DGKG: variants seen among roughly 807,000 people sequenced by gnomAD.
The protein encoded by DGKG is DAG kinase gamma.
In DGKG, 78 loss-of-function variants were observed where a neutral mutation model predicts 105.3. The observed-to-expected ratio is 0.74, with a 90% CI of 0.62 to 0.89. The LOEUF (loss-of-function observed/expected upper bound fraction) is 0.89, where lower values mean the gene tolerates loss of function less well. Among genes scored for constraint, DGKG ranks in the 40% least tolerant of loss-of-function variants. The pLI is 0.00. For synonymous variants in DGKG, 346 were observed against 367.1 expected, an observed-to-expected ratio of 0.94 and a Z score of 0.66; for missense variants, 958 against 1,020.1, an observed-to-expected ratio of 0.94 and a Z score of 0.83.
chr3:186,347,448 C>CAAAAAAAAA, intron 1 of DGKG, among the ~76,000 whole-genome samples: 1 of 51,550 alleles, frequency 1.9e-5, no homozygotes, highest in East Asian at 6.3e-4. Context: ...GACTCAGTCT[C>CAAAAAAAAA]AAAAAAAAAA....
chr3:186,156,354 A>G (rs1716037246), intron 24 of DGKG, among the ~76,000 whole-genome samples: 1 of 152,144 alleles, frequency 6.6e-6, no homozygotes, highest in African/African-American at 2.4e-5. Flanking sequence ...TGGATATCAT[A>G]TGCTAAACAG....
chr3:186,178,799 G>A (rs933574882), intron 22 of DGKG, among the ~76,000 whole-genome samples: 1 of 152,202 alleles, frequency 6.6e-6, no homozygotes, highest in East Asian at 1.9e-4. Context: ...CTGCGAAGCT[G>A]GGGTCGGGTT....
intron 16 of DGKG, among the ~76,000 whole-genome samples, chr3:186,258,865 G>A (rs542959894): frequency 9.9e-5 from 15 of 152,264 alleles, no homozygotes; most frequent in African/African-American, 3.1e-4. Flanking sequence ...TATTCCAAGA[G>A]GGGGTTTCTA....
intron 16 of DGKG, 41 bp downstream of exon 16, chr3:186,260,398 G>A (rs1450001259): frequency 4.9e-6 from 7 of 1,430,920 alleles, no homozygotes; most frequent in South Asian, 2.3e-5. Context: ...AGTTTAAAAG[G>A]GAGGGGGAGA....
At chr3:186,247,492 T>C (rs564841043) in intron 19 of DGKG, among the ~76,000 whole-genome samples, 3 of 152,332 alleles carry the variant, frequency 2.0e-5, no homozygotes, top group Non-Finnish European at 4.4e-5. Flanking sequence ...CCGCCTCTAT[T>C]TGATCATCAT....
At chr3:186,318,059 C>G (rs1338008940) in intron 2 of DGKG, among the ~76,000 whole-genome samples, 1 of 152,144 alleles carries the variant, frequency 6.6e-6, no homozygotes, top group African/African-American at 2.4e-5. Context: ...TGTTCATGGC[C>G]ACACTCACCA....
chr3:186,294,245 C>T (rs184675611), intron 5 of DGKG, among the ~76,000 whole-genome samples: 8 of 152,278 alleles, frequency 5.3e-5, no homozygotes, highest in African/African-American at 1.7e-4. Flanking sequence ...ATAAGTTCTT[C>T]CTTGGTACCT....
At chr3:186,261,958 T>A (rs1054541365) in intron 14 of DGKG, 180 bp from the exon 15 acceptor site, 3 of 538,790 alleles carry the variant, frequency 5.6e-6, no homozygotes, top group Non-Finnish European at 6.7e-6. Context: ...CCAGTTTGAA[T>A]GGCCTTTAAG....
At chr3:186,259,576 C>T (rs1361084208) in intron 16 of DGKG, among the ~76,000 whole-genome samples, 3 of 152,198 alleles carry the variant, frequency 2.0e-5, no homozygotes, top group Non-Finnish European at 4.4e-5. Flanking sequence ...TTTCAGAGTC[C>T]TTACTCCAAC....
At chr3:186,246,169 A>C (rs1432760980) in intron 19 of DGKG, among the ~76,000 whole-genome samples, 4 of 152,056 alleles carry the variant, frequency 2.6e-5, no homozygotes, top group Non-Finnish European at 5.9e-5. Context: ...ACGGGGTTTC[A>C]CCACATTGGC....
In DGKG at chr3:186,203,063, G is replaced by A. The variant is rs895368022; in HGVS notation, c.1917+8732C>T. ...ACATTAGTAAGAAATAAAAAAGAGG[G>A]TCATTTAAGAAAAAGAAAAAGTTTT... is the stretch of plus-strand genomic sequence containing the variant. On this transcript the variant is annotated intron_variant, in intron 21 of 24. Coordinates refer to ENST00000265022, the MANE Select transcript of DGKG (RefSeq NM_001346.3). The surrounding 1 kb of genome is among the most constrained non-coding windows in gnomAD (Gnocchi z 4.9). 2.0e-5 allele frequency among the ~76,000 whole-genome samples: 3 copies of A among 152,090 alleles called. No individual in the cohort carries two copies. The highest frequency in any genetic ancestry group is 7.2e-5 in the African/African-American group (3 of 41,410).
intron 1 of DGKG, among the ~76,000 whole-genome samples, chr3:186,340,304 G>T (rs1034788419): frequency 4.6e-5 from 7 of 152,134 alleles, no homozygotes; most frequent in African/African-American, 1.7e-4. Flanking sequence ...GGAAACATCT[G>T]CTTGCAGGGG....
intron 1 of DGKG, among the ~76,000 whole-genome samples, chr3:186,345,383 G>A (rs1192707439): frequency 6.6e-6 from 1 of 152,108 alleles, no homozygotes; most frequent in Admixed American, 6.5e-5. Flanking sequence ...TATGTTAATT[G>A]TTATAACTGA....
intron 10 of DGKG, among the ~76,000 whole-genome samples, chr3:186,274,459 A>G (rs1368803132): frequency 1.3e-5 from 2 of 151,938 alleles, no homozygotes; most frequent in Non-Finnish European, 2.9e-5. Flanking sequence ...ACATGTGTAT[A>G]CATATGCCAT....
In DGKG at chr3:186,210,991, C is replaced by T. The variant is rs1028845021; in HGVS notation, c.1917+804G>A. 1.3e-5 allele frequency among the ~76,000 whole-genome samples: 2 copies of T among 152,096 alleles called. No individual in the cohort carries two copies. The highest frequency in any genetic ancestry group is 2.4e-5 in the African/African-American group (1 of 41,402). On this transcript the variant is annotated intron_variant, in intron 21 of 24. Coordinates refer to ENST00000265022, the MANE Select transcript of DGKG (RefSeq NM_001346.3). The surrounding 1 kb of genome is among the most constrained non-coding windows in gnomAD (Gnocchi z 5.2). ...TCATGGCAATCAATGAGAGGGCTTC[C>T]GGAGCGAAGCCCAGCCAACGTGGGG...
intron 20 of DGKG, among the ~76,000 whole-genome samples, chr3:186,240,085 C>T (rs942225968): frequency 6.6e-6 from 1 of 152,112 alleles, no homozygotes; most frequent in African/African-American, 2.4e-5. Context: ...CTTTCCTCTG[C>T]CGAGACCATA....
intron 21 of DGKG, 127 bp downstream of exon 21, chr3:186,211,668 G>A (rs1185826758): frequency 3.6e-5 from 25 of 691,796 alleles, no homozygotes; most frequent in Admixed American, 6.6e-5. Context: ...GGAACAGGAT[G>A]GAGAAACAAC....
intron 21 of DGKG, among the ~76,000 whole-genome samples, chr3:186,205,359 C>T (rs1031709067): frequency 3.3e-5 from 5 of 151,348 alleles, no homozygotes; most frequent in African/African-American, 1.2e-4. Flanking sequence ...AAGTTTGGAG[C>T]ATAAAGAGGC....
chr3:186,163,067 A>G (rs1678459964), intron 23 of DGKG, among the ~76,000 whole-genome samples: 1 of 152,154 alleles, frequency 6.6e-6, no homozygotes, highest in African/African-American at 2.4e-5. Flanking sequence ...GTACAGTCAC[A>G]TGATTATAGC....
Sources: allele counts gnomAD v4.1 joint callset (sites outside exome capture counted in the v4.1 genomes callset), GRCh38; gene constraint gnomAD v4.1.1; non-coding constraint Gnocchi (gnomAD v3.1); transcripts MANE v1.5; gene names NCBI Gene and HGNC (gene_info 2026-07-23, HGNC 2026-07-21).